Variants in SNTG1 observed in about 807,000 individuals in gnomAD.
SNTG1 encodes the protein syntrophin gamma 1.
A neutral mutation model predicts 74.7 loss-of-function variants in SNTG1; 39 were observed. The observed-to-expected ratio is 0.52, with a 90% CI of 0.40 to 0.68. The LOEUF (loss-of-function observed/expected upper bound fraction) is 0.68. Ranked by LOEUF, SNTG1 falls within the 30% of genes least tolerant of loss-of-function variation. SNTG1 has a pLI of 0.00. For synonymous variants in SNTG1, 254 were observed against 217.1 expected, an observed-to-expected ratio of 1.17 and a Z score of -1.49; for missense variants, 685 against 609.5, an observed-to-expected ratio of 1.12 and a Z score of -1.30.
intron 13 of SNTG1, among the ~76,000 whole-genome samples, chr8:50,637,572 T>A (rs953939047): frequency 2.6e-5 from 4 of 152,128 alleles, no homozygotes; most frequent in Non-Finnish European, 5.9e-5. Flanking sequence ...CTTCTTCCAC[T>A]ACAGTATTTA....
intron 8 of SNTG1, among the ~76,000 whole-genome samples, chr8:50,498,205 T>A (rs1386129125): frequency 6.6e-6 from 1 of 151,922 alleles, no homozygotes; most frequent in Non-Finnish European, 1.5e-5. Flanking sequence ...AAAATCATTG[T>A]GACATTTTCA....
intron 1 of SNTG1, among the ~76,000 whole-genome samples, chr8:49,924,721 A>C (rs970538313): frequency 6.6e-6 from 1 of 151,906 alleles, no homozygotes; most frequent in Non-Finnish European, 1.5e-5. Flanking sequence ...ATAATGTTTA[A>C]TGGGTACCTC....
chr8:50,087,827 T>A (rs971621535), intron 1 of SNTG1, among the ~76,000 whole-genome samples: 101 of 151,600 alleles, frequency 6.7e-4, no homozygotes, highest in African/African-American at 2.4e-3. Context: ...CATGTGCACA[T>A]TGTGCAGGTT....
chr8:50,383,462 G>A (rs1322359152), intron 2 of SNTG1, among the ~76,000 whole-genome samples: 1 of 152,180 alleles, frequency 6.6e-6, no homozygotes, highest in Non-Finnish European at 1.5e-5. Context: ...ACATATATAT[G>A]TTTGTAAGTG....
rs2080146180 is a variant in SNTG1 at position 50,101,953 on chromosome 8, T to C, written c.-102-70608T>C. 2.6e-5 allele frequency among the ~76,000 whole-genome samples: 4 copies of C among 152,244 alleles called. No individual in the cohort carries two copies. In the South Asian group the frequency reaches 8.3e-4, roughly 32 times the overall value. On this transcript the variant is annotated intron_variant, in intron 1 of 18. Transcript: ENST00000642720. ...TGTGCCACATTTTCTTAATCCAGTC[T>C]ATCATTGTTGGATATTTGGGTTGGT...
intron 13 of SNTG1, among the ~76,000 whole-genome samples, chr8:50,610,847 A>G (rs1433096720): frequency 6.6e-6 from 1 of 152,176 alleles, no homozygotes; most frequent in Non-Finnish European, 1.5e-5. Context: ...TATAGTCTGC[A>G]TTAGGTTGAC....
chr8:50,715,337 A>G lies in SNTG1; in HGVS notation c.1284+6359A>G, dbSNP rs139474967. On this transcript the variant is annotated intron_variant, in intron 17 of 18. Coordinates refer to ENST00000642720, the MANE Select transcript of SNTG1 (RefSeq NM_018967.5). ...TATCATTGCTGGTCTCTAGAATACT[A>G]GGTCCCCCAAATTGTTATAGTCTGA... Among the ~76,000 whole-genome samples the G allele has an allele frequency of 6.2e-3, 940 of 152,300 alleles. 16 individuals are homozygous for G. The highest frequency in any genetic ancestry group is 0.017 in the Middle Eastern group (5 of 294).
intron 4 of SNTG1, among the ~76,000 whole-genome samples, chr8:50,434,306 T>A (rs2093277357): frequency 6.6e-6 from 1 of 152,196 alleles, no homozygotes; most frequent in Non-Finnish European, 1.5e-5. Flanking sequence ...ACATTTGGGT[T>A]AGTTCCAAGT....
chr8:50,296,101 G>T (rs2089356382), intron 2 of SNTG1, among the ~76,000 whole-genome samples: 1 of 152,140 alleles, frequency 6.6e-6, no homozygotes, highest in South Asian at 2.1e-4. Flanking sequence ...CCCCAGGAGA[G>T]ATGGAGAACA....
intron 4 of SNTG1, 135 bp from the exon 5 acceptor site, chr8:50,438,408 C>T: frequency 3.1e-6 from 2 of 648,396 alleles, no homozygotes; most frequent in South Asian, 1.9e-5. Flanking sequence ...GAGGCACTAT[C>T]CCAGCACAGA....
At chr8:50,330,876 A>G (rs1339348455) in intron 2 of SNTG1, among the ~76,000 whole-genome samples, 1 of 152,126 alleles carries the variant, frequency 6.6e-6, no homozygotes, top group Non-Finnish European at 1.5e-5. Flanking sequence ...AATAGGAAAA[A>G]CTGCCTCCAT....
At chr8:50,660,624 A>G (rs960467079) in intron 15 of SNTG1, among the ~76,000 whole-genome samples, 4 of 152,086 alleles carry the variant, frequency 2.6e-5, no homozygotes, top group Non-Finnish European at 2.9e-5. Context: ...AACGCAACAC[A>G]TATTTATATA....
chr8:50,545,623 G>GT (rs1332497910), intron 11 of SNTG1, among the ~76,000 whole-genome samples: 1 of 151,646 alleles, frequency 6.6e-6, no homozygotes, highest in Non-Finnish European at 1.5e-5. Flanking sequence ...TCATGTCTTA[G>GT]TTTTTTCTTT....
intron 11 of SNTG1, among the ~76,000 whole-genome samples, chr8:50,543,438 TTTG>T (rs58511910): frequency 2.7e-4 from 41 of 151,662 alleles, no homozygotes; most frequent in African/African-American, 8.7e-4. Flanking sequence ...ATGTGTCTGT[TTTG>T]TTGTTGTTGT....
At chr8:50,772,088 C>A (rs951218475) in intron 18 of SNTG1, among the ~76,000 whole-genome samples, 4 of 152,048 alleles carry the variant, frequency 2.6e-5, no homozygotes, top group Admixed American at 6.6e-5. Context: ...TCTACCAAGT[C>A]CTCACCAGCA....
At chr8:50,768,887 T>C (rs1205867842) in intron 18 of SNTG1, among the ~76,000 whole-genome samples, 3 of 152,000 alleles carry the variant, frequency 2.0e-5, no homozygotes, top group Non-Finnish European at 4.4e-5. Flanking sequence ...TGTGTATAAC[T>C]TCCATAATAG....
intron 2 of SNTG1, among the ~76,000 whole-genome samples, chr8:50,342,941 C>T (rs893908667): frequency 1.3e-5 from 2 of 152,112 alleles, no homozygotes; most frequent in Non-Finnish European, 2.9e-5. Context: ...AGCTCACTGA[C>T]AAATCCACCA....
chr8:50,790,791 T>C (rs1181694520), intron 18 of SNTG1, among the ~76,000 whole-genome samples: 6 of 151,980 alleles, frequency 3.9e-5, no homozygotes, highest in Non-Finnish European at 4.4e-5. Flanking sequence ...GATAAATAAT[T>C]GACAAGGTGG....
intron 2 of SNTG1, among the ~76,000 whole-genome samples, chr8:50,283,233 T>C (rs564296206): frequency 6.6e-6 from 1 of 152,340 alleles, no homozygotes; most frequent in South Asian, 2.1e-4. Context: ...GGGTTAGCAA[T>C]TTTATGAATC....
Sources: gnomAD v4.1 joint callset for allele counts (sites outside exome capture counted in the v4.1 genomes callset) on GRCh38, gnomAD v4.1.1 for gene constraint, MANE v1.5 for transcripts, NCBI Gene and HGNC (gene_info 2026-07-23, HGNC 2026-07-21) for gene names.